LHX8: variants seen among roughly 807,000 people sequenced by gnomAD.
LHX8 encodes LIM/homeobox protein Lhx8.
In LHX8, 12 loss-of-function variants were observed where a neutral mutation model predicts 40.3. That is an observed-to-expected ratio of 0.30 (90% CI 0.19 to 0.48). LHX8 has a LOEUF of 0.48. LHX8 is among the 20% of genes least tolerant of loss of function. The pLI, the probability that LHX8 is intolerant of heterozygous loss-of-function variation, is 0.99. For missense variants in LHX8, 344 were observed against 433.7 expected, an observed-to-expected ratio of 0.79 and a Z score of 1.84; for synonymous variants, 179 against 162.0, an observed-to-expected ratio of 1.10 and a Z score of -0.80.
At chr1:75,160,546 C>G (rs1042069149) in intron 8 of LHX8, 1 of 434,490 alleles carries the variant, frequency 2.3e-6, no homozygotes, top group African/African-American at 2.0e-5. Flanking sequence ...TTTCTAGCTT[C>G]AGGGTGAAGT....
At chr1:75,135,718 TGAG>T (rs1179081533) in intron 1 of LHX8, among the ~76,000 whole-genome samples, 2 of 152,206 alleles carry the variant, frequency 1.3e-5, no homozygotes, top group Non-Finnish European at 2.9e-5. Flanking sequence ...TGGAAACACT[TGAG>T]TAACGCGCGT....
the LHX8 span, among the ~76,000 whole-genome samples, chr1:75,168,590 G>C: frequency 3.3e-5 from 5 of 152,024 alleles, no homozygotes; most frequent in Non-Finnish European, 7.4e-5. Context: ...TTTAAAGAGA[G>C]AGGACGCACA....
the LHX8 span, among the ~76,000 whole-genome samples, chr1:75,168,875 C>T: frequency 1.3e-5 from 2 of 152,148 alleles, no homozygotes; most frequent in Admixed American, 1.3e-4. Flanking sequence ...TACCTGCTTC[C>T]CCACATCTTT....
chr1:75,169,329 C>A, the LHX8 span, among the ~76,000 whole-genome samples: 1 of 152,170 alleles, frequency 6.6e-6, no homozygotes, highest in African/African-American at 2.4e-5. Flanking sequence ...TCTCACGGAG[C>A]CTGTTTCTCT....
chr1:75,181,113 G>A, the LHX8 span, among the ~76,000 whole-genome samples: 1 of 152,154 alleles, frequency 6.6e-6, no homozygotes, highest in Non-Finnish European at 1.5e-5. Context: ...GGCTGTATGA[G>A]GTGTCAATCA....
upstream of LHX8, chr1:75,130,327 T>C (rs771628152): frequency 3.2e-6 from 1 of 316,824 alleles, no homozygotes; most frequent in Non-Finnish European, 6.1e-6. Context: ...GTACAGACTC[T>C]TGGTCGCAGA....
intron 3 of LHX8, among the ~76,000 whole-genome samples, chr1:75,138,178 G>C (rs1399224257): frequency 2.0e-5 from 3 of 152,052 alleles, no homozygotes; most frequent in Non-Finnish European, 4.4e-5. Flanking sequence ...AATATCATGG[G>C]GTTTCAACTT....
In LHX8 at chr1:75,137,052, AAGGGGAGG is replaced by A. The variant is rs760886707; in HGVS notation, c.76-42_76-35del. On this transcript the variant is annotated intron_variant, in intron 2 of 8. Coordinates refer to ENST00000356261, the MANE Select transcript of LHX8 (RefSeq NM_001256114.2). The stretch of plus-strand genomic sequence containing the variant: ...CGCCCTTGTGGGTAGGTGGGATGCG[AAGGGGAGG>A]AGGGGTCTAGAACCGCCTGCGCCTC... The A allele has an allele frequency of 8.4e-6, 13 of 1,546,160 alleles. No individual in the cohort carries two copies. In the Admixed American group the frequency reaches 2.2e-4, roughly 27 times the overall value.
the LHX8 span, among the ~76,000 whole-genome samples, chr1:75,170,850 TCTA>T: frequency 6.6e-6 from 1 of 152,196 alleles, no homozygotes; most frequent in African/African-American, 2.4e-5. Context: ...CTCTCATTAA[TCTA>T]CTGTTTATTT....
intron 5 of LHX8, 31 bp from the exon 6 acceptor site, chr1:75,143,814 C>A (rs1648386671): frequency 6.6e-7 from 1 of 1,521,560 alleles, no homozygotes; most frequent in Admixed American, 1.7e-5. Flanking sequence ...ATTTGAATTA[C>A]CAACATATAT....
At chr1:75,139,685 C>T (rs1320131359) in intron 3 of LHX8, among the ~76,000 whole-genome samples, 2 of 152,058 alleles carry the variant, frequency 1.3e-5, no homozygotes, top group East Asian at 1.9e-4. Flanking sequence ...CTATAGTGAG[C>T]ATGTAAGTTC....
chr1:75,198,173 A>G, the LHX8 span, among the ~76,000 whole-genome samples: 1 of 152,146 alleles, frequency 6.6e-6, no homozygotes, highest in Non-Finnish European at 1.5e-5. Flanking sequence ...AAAAAGTCTC[A>G]TATGGGATTT....
At chr1:75,192,881 C>T in the LHX8 span, among the ~76,000 whole-genome samples, 14 of 151,804 alleles carry the variant, frequency 9.2e-5, no homozygotes, top group Admixed American at 1.3e-4. Flanking sequence ...TTAGTAGAGA[C>T]GGGGGTTTTG....
At chr1:75,152,748 A>G (rs1385538881) in intron 7 of LHX8, among the ~76,000 whole-genome samples, 2 of 152,300 alleles carry the variant, frequency 1.3e-5, no homozygotes, top group East Asian at 3.9e-4. Context: ...TTCTGCCAGG[A>G]GCTACGTACA....
chr1:75,180,039 G>A, the LHX8 span, among the ~76,000 whole-genome samples: 2 of 152,172 alleles, frequency 1.3e-5, no homozygotes, highest in South Asian at 4.1e-4. Context: ...CTGGCTTGTA[G>A]AGTTTCTGCC....
At chr1:75,139,410 A>G (rs1648250388) in intron 3 of LHX8, among the ~76,000 whole-genome samples, 1 of 152,148 alleles carries the variant, frequency 6.6e-6, no homozygotes, top group Non-Finnish European at 1.5e-5. Context: ...AGGGAGTAAG[A>G]GAGAGGCCAT....
downstream of LHX8, among the ~76,000 whole-genome samples, chr1:75,166,379 T>C (rs2100373716): frequency 6.6e-6 from 1 of 152,336 alleles, no homozygotes; most frequent in Non-Finnish European, 1.5e-5. Flanking sequence ...TCTGTAAAAT[T>C]TAGTTTGCAG....
At chr1:75,190,518 A>G in the LHX8 span, among the ~76,000 whole-genome samples, 23 of 151,860 alleles carry the variant, frequency 1.5e-4, no homozygotes, top group East Asian at 2.7e-3. Context: ...ATTGTTTTCT[A>G]TATTATGAAA....
the LHX8 span, among the ~76,000 whole-genome samples, chr1:75,172,055 T>C: frequency 6.6e-6 from 1 of 152,208 alleles, no homozygotes; most frequent in African/African-American, 2.4e-5. Flanking sequence ...TCCCTGGTTC[T>C]TGCCAAAGCT....
Sources: gnomAD v4.1 joint callset for allele counts (sites outside exome capture counted in the v4.1 genomes callset) on GRCh38, gnomAD v4.1.1 for gene constraint, MANE v1.5 for transcripts, NCBI Gene and HGNC (gene_info 2026-07-23, HGNC 2026-07-21) for gene names.